Variants in NOTCH1 observed in about 807,000 individuals in gnomAD.
NOTCH1 encodes the protein neurogenic locus notch homolog protein 1.
In NOTCH1, 37 loss-of-function variants were observed where a neutral mutation model predicts 254.8. The ratio of observed to expected loss-of-function variants is 0.15; its 90% CI spans 0.11 to 0.19. NOTCH1 has a LOEUF of 0.19. Among genes scored for constraint, NOTCH1 ranks in the 10% least tolerant of loss-of-function variants. NOTCH1 has a pLI of 1.00. For synonymous variants in NOTCH1, 1,731 were observed against 1,618.1 expected, an observed-to-expected ratio of 1.07 and a Z score of -1.68; for missense variants, 2,972 against 3,708.6, an observed-to-expected ratio of 0.80 and a Z score of 5.16.
chr9:136,518,362 T>A, intron 6 of NOTCH1, 70 bp from the exon 7 acceptor site: 1 of 1,545,178 alleles, frequency 6.5e-7, no homozygotes, highest in Non-Finnish European at 8.7e-7. Context: ...ACGGCTGGGG[T>A]CCAACCCCAC....
Position 136,544,034 on chromosome 9 carries a change from C to A in NOTCH1, c.130G>T (p.Glu44Ter). The change falls in exon 2 of 34, where the codon GAG (glutamate) becomes TAG (stop). Residue 44 changes from glutamate to a stop codon, truncating the protein, a stop_gained. Transcript: ENST00000651671. LOFTEE classifies it high-confidence loss of function. ...AGGGGTGGTACTCACACGCAGGCCT[C>A]CGTGCCATTGGCCGCTTCACACTTC... Reference protein sequence around the residue: ...GGKCEAANGTEACVCGGAFVG... With the variant: ...GGKCEAANGT 1 of 1,573,360 alleles carries A rather than the reference C, an allele frequency of 6.4e-7. No homozygotes were observed. The highest frequency in any genetic ancestry group is 2.3e-5 in the East Asian group (1 of 42,736).
At chr9:136,505,909 T>C (rs1589059115) in intron 24 of NOTCH1, 28 bp from the exon 25 acceptor site, 7 of 1,557,084 alleles carry the variant, frequency 4.5e-6, no homozygotes, top group Non-Finnish European at 6.0e-6. Flanking sequence ...CAGGACGGTG[T>C]CGGGGTGGGC....
chr9:136,515,171 G>T, intron 12 of NOTCH1, 119 bp downstream of exon 12: 1 of 899,384 alleles, frequency 1.1e-6, no homozygotes, highest in Non-Finnish European at 1.8e-6. Context: ...GCAGACCACG[G>T]TCTGCCCAGG....
chr9:136,516,453 C>T (rs1293860053), intron 9 of NOTCH1, among the ~76,000 whole-genome samples: 3 of 152,210 alleles, frequency 2.0e-5, no homozygotes, highest in Non-Finnish European at 2.9e-5. Flanking sequence ...CTGGGCTCTG[C>T]GCCCCGGCCC....
rs774075034 is a variant in NOTCH1, at chr9:136,501,988, C to G, written c.5472+13G>C. On this transcript the variant is annotated intron_variant, in intron 29 of 33. Transcript: ENST00000651671. ...GCCCGGGAGCCCAGGAGCCCGGGAGCCTCGCGACTCACCCGGAACTTCTTG... is the reference window on the plus strand; with the variant it reads ...GCCCGGGAGCCCAGGAGCCCGGGAGGCTCGCGACTCACCCGGAACTTCTTG... The G allele has an allele frequency of 5.6e-6, 9 of 1,612,442 alleles. No individual in the cohort carries two copies. In the Admixed American group the frequency reaches 8.3e-5, roughly 15 times the overall value.
intron 2 of NOTCH1, among the ~76,000 whole-genome samples, chr9:136,533,578 T>C (rs902479634): frequency 6.6e-6 from 1 of 152,200 alleles, no homozygotes; most frequent in African/African-American, 2.4e-5. Flanking sequence ...GCCCAGCCCC[T>C]GCCTGCCACG....
rs373089163 is a variant in NOTCH1 at position 136,496,049 on chromosome 9, G to A, written c.*22C>T. The A allele has an allele frequency of 1.5e-5, 24 of 1,587,782 alleles. No homozygotes were observed. The highest frequency in any genetic ancestry group is 4.0e-5 in the African/African-American group (3 of 74,996). Reference sequence around the variant, plus strand: ...GCCCGAAGGCTTGGGAAAGGAAGCCGGGGTCTCGTGGGGCGCGCCGTTTAC... The same window carrying A: ...GCCCGAAGGCTTGGGAAAGGAAGCCAGGGTCTCGTGGGGCGCGCCGTTTAC... On this transcript the variant is annotated 3_prime_UTR_variant, in exon 34 of 34. Transcript: ENST00000651671.
Position 136,508,927 on chromosome 9 carries a change from GTCCTGACAGGTGCCGCCA to G in NOTCH1, c.3096_3113del (p.Gly1034_Gly1039del). On this transcript the variant is annotated inframe_deletion, in exon 19 of 34. Coordinates refer to ENST00000651671, the MANE Select transcript of NOTCH1 (RefSeq NM_017617.5). ...AGGTGCACCTGTAGGAGCCGCAGCC[GTCCTGACAGGTGCCGCCA>G]TGCAGGCAGGGCTGTGAGTCGCACT... is the stretch of plus-strand genomic sequence containing the variant. The G allele has an allele frequency of 2.6e-6, 4 of 1,549,530 alleles. No individual in the cohort carries two copies. The highest frequency in any genetic ancestry group is 3.5e-6 in the Non-Finnish European group (4 of 1,147,272).
intron 26 of NOTCH1, 76 bp downstream of exon 26, chr9:136,504,597 G>T: frequency 7.2e-7 from 1 of 1,397,630 alleles, no homozygotes; most frequent in Non-Finnish European, 9.5e-7. Flanking sequence ...GGCGCCGGCC[G>T]TGAGGGGCAG....
chr9:136,512,063 C>T (rs894180059), intron 15 of NOTCH1, among the ~76,000 whole-genome samples: 4 of 152,246 alleles, frequency 2.6e-5, no homozygotes, highest in African/African-American at 7.2e-5. Context: ...GCAGGAACTG[C>T]GCCAGAGTTT....
intron 5 of NOTCH1, among the ~76,000 whole-genome samples, chr9:136,519,093 GT>G: frequency 6.6e-6 from 1 of 152,344 alleles, no homozygotes; most frequent in East Asian, 1.9e-4. Flanking sequence ...GGGCCTGTCT[GT>G]TCATCCAGGC....
rs2133340360 is a variant in NOTCH1 at position 136,505,690 on chromosome 9, G to A, written c.4206C>T (p.Thr1402=). The change falls in exon 25 of 34, where the codon ACC becomes ACT. Residue 1402 remains threonine, a synonymous_variant. Coordinates refer to ENST00000651671, the MANE Select transcript of NOTCH1 (RefSeq NM_017617.5). ...LGGNPCYNQG[T]CEPTSESPFY... Reference sequence around the variant, plus strand: ...AGGGGCTCTCGGATGTGGGCTCACAGGTCCCCTGGTTGTAGCAGGGGTTGC... The same window carrying A: ...AGGGGCTCTCGGATGTGGGCTCACAAGTCCCCTGGTTGTAGCAGGGGTTGC... 1.2e-6 allele frequency: 2 copies of A among 1,609,410 alleles called. No homozygotes were observed. Among genetic ancestry groups the A allele is most frequent in the Non-Finnish European group, 1.7e-6 (2 of 1,177,780 alleles).
rs1344634816 is a variant in NOTCH1 at position 136,544,159 on chromosome 9, C to T, written c.62-57G>A. The T allele has an allele frequency of 2.0e-6, 3 of 1,479,186 alleles. No individual in the cohort carries two copies. In the African/African-American group the frequency reaches 4.2e-5, roughly 21 times the overall value. 91.6% of individuals were successfully genotyped at this position (1,479,186 alleles called of 1,614,324 possible). A position where few individuals can be genotyped will look rare whatever the true frequency, so the allele number is the denominator to read the frequency against. On this transcript the variant is annotated intron_variant, in intron 1 of 33. Transcript: ENST00000651671. Reference sequence around the variant, plus strand: ...TCACCCGCACCACCACCACCGAAGGCCCTGGTTACCCTGGGGGCGGGGACC... The same window carrying T: ...TCACCCGCACCACCACCACCGAAGGTCCTGGTTACCCTGGGGGCGGGGACC...
At position 136,495,162 on chromosome 9, in the gene NOTCH1, G is replaced by A. The variant is rs1365039931; in HGVS notation, c.*909C>T. ...CGCCACCGGGGTCAGCCCAGGCAGT[G>A]TCTTTCCCCAGAAAAGGGTAGGATG... On this transcript the variant is annotated 3_prime_UTR_variant, in exon 34 of 34. Transcript: ENST00000651671. The A allele has an allele frequency of 1.0e-5, 4 of 399,018 alleles. No individual in the cohort carries two copies. Among genetic ancestry groups the A allele is most frequent in the East Asian group, 3.5e-5 (1 of 28,234 alleles). The allele number at this position is 399,018 out of a possible 1,614,324, so 24.7% of individuals were successfully genotyped here.
chr9:136,530,712 C>T (rs1027548038), intron 2 of NOTCH1, among the ~76,000 whole-genome samples: 23 of 152,246 alleles, frequency 1.5e-4, no homozygotes, highest in African/African-American at 5.3e-4. Context: ...GTCACCCCAA[C>T]GGCCCCTAGG....
In NOTCH1 at chr9:136,496,996, T is replaced by G. The variant is rs1554826464; in HGVS notation, c.6743A>C (p.Asn2248Thr). Reference sequence around the variant, plus strand: ...CGCCATCTCGGGCTTGGCCGCCACGTTCAGGTGCCCGATGCCCAGGTGGGT... The same window carrying G: ...CGCCATCTCGGGCTTGGCCGCCACGGTCAGGTGCCCGATGCCCAGGTGGGT... ...PDTHLGIGHL[N>T]VAAKPEMAAL... is the part of the protein sequence containing the mutation. Residue 2248 changes from asparagine (N) to threonine (T), a missense_variant, in exon 34 of 34, where the codon AAC (asparagine) becomes ACC (threonine). By Grantham distance (65) the Asn-to-Thr change is moderately conservative. Around this residue, in one of 8 missense-constraint regions of NOTCH1, gnomAD observed 529 missense variants for 529.2 expected, o/e 1.00. Coordinates refer to ENST00000651671, the MANE Select transcript of NOTCH1 (RefSeq NM_017617.5). 6.2e-6 allele frequency: 10 copies of G among 1,610,174 alleles called. No individual in the cohort carries two copies. Among genetic ancestry groups the G allele is most frequent in the Non-Finnish European group, 8.5e-6 (10 of 1,178,934 alleles).
intron 2 of NOTCH1, among the ~76,000 whole-genome samples, chr9:136,534,102 G>A (rs899456361): frequency 3.9e-5 from 6 of 152,228 alleles, no homozygotes; most frequent in African/African-American, 1.4e-4. Context: ...GAGGGCTTTT[G>A]GGATGTGGCG....
At chr9:136,501,952 C>A (rs372075525) in intron 29 of NOTCH1, 39 bp from the exon 30 acceptor site, 2 of 1,611,638 alleles carry the variant, frequency 1.2e-6, no homozygotes, top group Non-Finnish European at 1.7e-6. Context: ...CAGGGCAGCC[C>A]GGCAGCAGGT....
Position 136,507,319 on chromosome 9 carries a change from G to A in NOTCH1, c.3629C>T (p.Pro1210Leu). The change falls in exon 22 of 34, where the codon CCA becomes CTA. Residue 1210 changes from proline (P) to leucine (L), a missense_variant. Pro to Leu is a moderately conservative substitution (Grantham distance 98, BLOSUM62 -3). Around this residue, in one of 8 missense-constraint regions of NOTCH1, gnomAD observed 1,343 missense variants for 1,557.0 expected, o/e 0.86. Transcript: ENST00000651671. Reference sequence around the variant, plus strand: ...GCGGCCCTTACCCTGAGTGCCCCGTGGGCAGGAGCACTTGTAGGTGTTGGG... The same window carrying A: ...GCGGCCCTTACCCTGAGTGCCCCGTAGGCAGGAGCACTTGTAGGTGTTGGG... ...DLPNTYKCSC[P>L]RGTQGVHCEI... The A allele has an allele frequency of 6.2e-7, 1 of 1,612,946 alleles. No homozygotes were observed. Among genetic ancestry groups the A allele is most frequent in the Non-Finnish European group, 8.5e-7 (1 of 1,179,946 alleles).
Sources: gnomAD v4.1 joint callset for allele counts (sites outside exome capture counted in the v4.1 genomes callset) on GRCh38, gnomAD v4.1.1 for gene constraint, gnomAD v4.1.1 regional missense constraint, MANE v1.5 for transcripts, NCBI Gene and HGNC (gene_info 2026-07-23, HGNC 2026-07-21) for gene names.